NELL1: variants seen among roughly 807,000 people sequenced by gnomAD.
NELL1 encodes the protein protein kinase C-binding protein NELL1.
In NELL1, 76 loss-of-function variants were observed where a neutral mutation model predicts 107.4. That is an observed-to-expected ratio of 0.71 (90% confidence interval 0.59 to 0.86). The LOEUF (loss-of-function observed/expected upper bound fraction) is 0.86. Ranked by LOEUF, NELL1 falls within the 40% of genes least tolerant of loss-of-function variation. The pLI is 0.00. For missense variants in NELL1, 1,024 were observed against 1,005.5 expected, an observed-to-expected ratio of 1.02 and a Z score of -0.25; for synonymous variants, 353 against 341.2, an observed-to-expected ratio of 1.03 and a Z score of -0.38.
At chr11:21,164,671 G>C (rs531325758) in intron 13 of NELL1, among the ~76,000 whole-genome samples, 25 of 152,256 alleles carry the variant, frequency 1.6e-4, no homozygotes, top group African/African-American at 5.8e-4. Context: ...AATAGAGTAA[G>C]GTCAAGGAAA....
intron 15 of NELL1, among the ~76,000 whole-genome samples, chr11:21,384,595 C>T (rs571918536): frequency 6.6e-6 from 1 of 152,044 alleles, no homozygotes; most frequent in South Asian, 2.1e-4. Flanking sequence ...ATCCCTCCCG[C>T]CTCTCCCCAC....
At chr11:21,439,520 A>G (rs1043989807) in intron 15 of NELL1, among the ~76,000 whole-genome samples, 19 of 152,190 alleles carry the variant, frequency 1.2e-4, no homozygotes, top group African/African-American at 4.6e-4. Flanking sequence ...TAGAGGGTCA[A>G]GGATAATAGG....
rs1401262960 is a variant in NELL1, at chr11:21,121,998, T to C, written c.1426+8284T>C. Among the ~76,000 whole-genome samples the C allele has an allele frequency of 2.0e-5, 3 of 152,238 alleles. No homozygotes were observed. The South Asian group carries it at 6.2e-4, about 31-fold the overall frequency. ...CTTAGGGAGACTATCAAAGCTCATT[T>C]ACCTTGAAATTTCATGATGAAAATA... On this transcript the variant is annotated intron_variant, in intron 13 of 19. Transcript: ENST00000357134.
intron 2 of NELL1, among the ~76,000 whole-genome samples, chr11:20,679,938 C>T (rs181378477): frequency 5.7e-4 from 86 of 151,994 alleles, no homozygotes; most frequent in Non-Finnish European, 1.1e-3. Flanking sequence ...TGTAGGTCCC[C>T]TGGGCTGGAA....
chr11:20,742,598 T>C (rs946121741), intron 2 of NELL1, among the ~76,000 whole-genome samples: 1 of 152,162 alleles, frequency 6.6e-6, no homozygotes, highest in Non-Finnish European at 1.5e-5. Flanking sequence ...AGCAAAGTCA[T>C]GTCTTACATG....
chr11:21,439,365 C>G (rs1416768488), intron 15 of NELL1, among the ~76,000 whole-genome samples: 2 of 152,050 alleles, frequency 1.3e-5, no homozygotes, highest in Non-Finnish European at 2.9e-5. Flanking sequence ...AATGCAGGGC[C>G]AAGAACTGGG....
intron 3 of NELL1, among the ~76,000 whole-genome samples, chr11:20,784,091 T>C (rs1044186426): frequency 6.6e-6 from 1 of 152,242 alleles, no homozygotes; most frequent in Non-Finnish European, 1.5e-5. Flanking sequence ...CATTCTGTCA[T>C]ATTTAGTCAT....
At chr11:21,461,969 A>T (rs1279921064) in intron 15 of NELL1, among the ~76,000 whole-genome samples, 1 of 152,106 alleles carries the variant, frequency 6.6e-6, no homozygotes. Flanking sequence ...GCAGAGCCAA[A>T]TGCAAGAGCA....
chr11:20,927,176 T>TG, intron 7 of NELL1, 132 bp from the exon 8 acceptor site: 1 of 739,392 alleles, frequency 1.4e-6, no homozygotes. Context: ...AAACAGATAA[T>TG]GCTAAGAATC....
intron 4 of NELL1, among the ~76,000 whole-genome samples, chr11:20,853,008 C>A (rs1346544494): frequency 1.3e-5 from 2 of 152,168 alleles, no homozygotes; most frequent in Non-Finnish European, 2.9e-5. Flanking sequence ...CTTGGAGTAA[C>A]CTCTCAATTT....
chr11:20,884,961 G>A (rs1849477955), intron 4 of NELL1, among the ~76,000 whole-genome samples: 1 of 152,170 alleles, frequency 6.6e-6, no homozygotes, highest in South Asian at 2.1e-4. Flanking sequence ...GGTTCTCTCA[G>A]GTTACTGCAG....
intron 13 of NELL1, among the ~76,000 whole-genome samples, chr11:21,145,442 G>C (rs1056595133): frequency 4.6e-5 from 7 of 152,186 alleles, no homozygotes; most frequent in Non-Finnish European, 1.0e-4. Context: ...GTATGTGGTA[G>C]AAGGAAAGAG....
chr11:21,063,372 T>C (rs1168624513), intron 12 of NELL1, among the ~76,000 whole-genome samples: 2 of 152,106 alleles, frequency 1.3e-5, no homozygotes, highest in Non-Finnish European at 2.9e-5. Context: ...GCATGGTTGA[T>C]TGAATCACTG....
chr11:21,574,023 A>C (rs118133172), intron 19 of NELL1, among the ~76,000 whole-genome samples: 1,900 of 151,928 alleles, frequency 0.013, 38 homozygotes, highest in East Asian at 0.072. Context: ...TGTGTCATTA[A>C]GACTAAAAAA....
At chr11:21,437,551 G>T in intron 15 of NELL1, among the ~76,000 whole-genome samples, 1 of 152,002 alleles carries the variant, frequency 6.6e-6, no homozygotes, top group South Asian at 2.1e-4. Context: ...TAGAGATGGG[G>T]TTTCTCCATG....
chr11:20,896,838 A>G (rs1272981107), intron 5 of NELL1, among the ~76,000 whole-genome samples: 4 of 152,148 alleles, frequency 2.6e-5, no homozygotes, highest in African/African-American at 7.2e-5. Context: ...TAAAATACCT[A>G]GGAATCCAAC....
intron 15 of NELL1, among the ~76,000 whole-genome samples, chr11:21,496,446 G>T (rs1854983346): frequency 1.5e-5 from 2 of 130,044 alleles, no homozygotes; most frequent in African/African-American, 5.8e-5. Flanking sequence ...GTCTCACTCT[G>T]TCACCCAGGC....
Position 20,783,563 on chromosome 11 carries a change from T to C in NELL1, c.185-117T>C, listed in dbSNP as rs988178515. ...TGGACATGACATTTTTAACCATGGA[T>C]CTTTTTTCCTCTTCCTTCTCATCTC... On this transcript the variant is annotated intron_variant, in intron 2 of 19. Coordinates refer to ENST00000357134, the MANE Select transcript of NELL1 (RefSeq NM_006157.5). 5.1e-5 allele frequency: 33 copies of C among 649,710 alleles called. No homozygotes were observed. The East Asian group carries it at 9.4e-4, about 18-fold the overall frequency. The allele number at this position is 649,710 out of a possible 1,614,324, so 40.2% of individuals were successfully genotyped here. A position where few individuals can be genotyped will look rare whatever the true frequency, so the allele number is the denominator to read the frequency against.
intron 14 of NELL1, among the ~76,000 whole-genome samples, chr11:21,308,839 A>G (rs1370589388): frequency 6.6e-6 from 1 of 151,996 alleles, no homozygotes; most frequent in Non-Finnish European, 1.5e-5. Context: ...ACTCACATAC[A>G]GTATGTCAAA....
Sources: gnomAD v4.1 joint callset for allele counts (sites outside exome capture counted in the v4.1 genomes callset) on GRCh38, gnomAD v4.1.1 for gene constraint, MANE v1.5 for transcripts, NCBI Gene and HGNC (gene_info 2026-07-23, HGNC 2026-07-21) for gene names.